USP32: variants seen among roughly 807,000 people sequenced by gnomAD.
The protein encoded by USP32 is ubiquitin carboxyl-terminal hydrolase 32.
Under a neutral mutation model 204.8 loss-of-function variants are expected in USP32, and 59 were observed. That is an observed-to-expected ratio of 0.29 (90% CI 0.23 to 0.36). The LOEUF (loss-of-function observed/expected upper bound fraction) is 0.36, where lower values mean the gene tolerates loss of function less well. Ranked by LOEUF, USP32 falls within the 10% of genes least tolerant of loss-of-function variation. The pLI is 1.00. For missense variants in USP32, 1,160 were observed against 1,946.4 expected (o/e 0.60, Z 7.60); for synonymous variants, 517 against 678.4 (o/e 0.76, Z 3.70).
At chr17:60,316,736 G>A (rs1054874562) in intron 2 of USP32, among the ~76,000 whole-genome samples, 1 of 152,114 alleles carries the variant, frequency 6.6e-6, no homozygotes, top group African/African-American at 2.4e-5. Flanking sequence ...AGCTACTCGG[G>A]TGGCTGAGGC....
chr17:60,417,494 C>T (rs1200392618), intron 1 of USP32, among the ~76,000 whole-genome samples: 1 of 150,348 alleles, frequency 6.7e-6, no homozygotes, highest in African/African-American at 2.4e-5. Flanking sequence ...GCTCTTGTCG[C>T]CCAGGCTGGA....
At chr17:60,396,485 T>C (rs889317489), upstream of USP32, among the ~76,000 whole-genome samples, 3 of 152,228 alleles carry the variant, frequency 2.0e-5, no homozygotes, top group Non-Finnish European at 4.4e-5. Flanking sequence ...AAATACGTCA[T>C]TCTCTAATCT....
intron 20 of USP32, 55 bp from the exon 21 acceptor site, chr17:60,211,173 G>A (rs1199224045): frequency 6.9e-6 from 11 of 1,590,802 alleles, no homozygotes; most frequent in Non-Finnish European, 8.6e-6. Context: ...TCACAATCAT[G>A]TGGGCGCAAA....
chr17:60,372,830 G>C (rs2089465982), intron 1 of USP32, among the ~76,000 whole-genome samples: 1 of 143,122 alleles, frequency 7.0e-6, no homozygotes, highest in African/African-American at 2.6e-5. Context: ...CTGGGTGACA[G>C]AGTGAGACCC....
At chr17:60,361,519 C>T (rs763160136) in intron 1 of USP32, among the ~76,000 whole-genome samples, 7 of 152,156 alleles carry the variant, frequency 4.6e-5, no homozygotes, top group Non-Finnish European at 1.0e-4. Flanking sequence ...ACAGAGAGTG[C>T]TTCTCCAGTG....
At chr17:60,370,477 G>C (rs2089415179) in intron 1 of USP32, among the ~76,000 whole-genome samples, 3 of 152,004 alleles carry the variant, frequency 2.0e-5, no homozygotes, top group African/African-American at 7.2e-5. Flanking sequence ...AAAATTATTT[G>C]AGGCTGGATG....
chr17:60,405,149 A>G (rs2089965666), intron 1 of USP32, among the ~76,000 whole-genome samples: 2 of 152,178 alleles, frequency 1.3e-5, no homozygotes, highest in South Asian at 2.1e-4. Flanking sequence ...TAGGCGACAG[A>G]GCAAAACTGT....
chr17:60,257,643 C>T lies in USP32; in HGVS notation c.991-2385G>A, dbSNP rs546527111. 3.3e-5 allele frequency among the ~76,000 whole-genome samples: 5 copies of T among 151,932 alleles called. No homozygotes were observed. In the East Asian group the frequency reaches 9.7e-4, roughly 29 times the overall value. Reference sequence around the variant, plus strand: ...TACAGGCACAGGTTACCAAAACTGGCTTAAAAAAAAGAGAAAAACACAGAA... The same window carrying T: ...TACAGGCACAGGTTACCAAAACTGGTTTAAAAAAAAGAGAAAAACACAGAA... On this transcript the variant is annotated intron_variant, in intron 9 of 33. Coordinates refer to ENST00000300896, the MANE Select transcript of USP32 (RefSeq NM_032582.4).
chr17:60,357,522 AAAAAAT>A (rs1051678869), intron 1 of USP32, among the ~76,000 whole-genome samples: 1 of 152,104 alleles, frequency 6.6e-6, no homozygotes, highest in African/African-American at 2.4e-5. Context: ...CCTGTCTCTT[AAAAAAT>A]AAAAATAAAA....
chr17:60,345,466 G>T lies in USP32; in HGVS notation c.186+15C>A. ...GATAACTACCTCAAAGGAAAACTTA[G>T]AACAAAAAGATTACCTCAGCAACCT... On this transcript the variant is annotated intron_variant, in intron 2 of 33. Coordinates refer to ENST00000300896, the MANE Select transcript of USP32 (RefSeq NM_032582.4). 1 of 1,612,818 alleles carries T rather than the reference G, an allele frequency of 6.2e-7. No individual in the cohort carries two copies. Among genetic ancestry groups the T allele is most frequent in the Non-Finnish European group, 8.5e-7 (1 of 1,179,556 alleles).
intron 14 of USP32, among the ~76,000 whole-genome samples, chr17:60,223,062 C>A (rs1252239213): frequency 6.6e-6 from 1 of 152,122 alleles, no homozygotes; most frequent in East Asian, 1.9e-4. Flanking sequence ...CAAAGCATAT[C>A]ATTTGGAAAA....
intron 1 of USP32, among the ~76,000 whole-genome samples, chr17:60,410,873 G>A (rs2090012620): frequency 6.6e-6 from 1 of 151,918 alleles, no homozygotes; most frequent in Admixed American, 6.6e-5. Flanking sequence ...AAGGTCAAGA[G>A]ATTGAGACCA....
intron 9 of USP32, chr17:60,256,819 G>A: frequency 9.3e-7 from 1 of 1,074,828 alleles, no homozygotes; most frequent in Non-Finnish European, 1.2e-6. Flanking sequence ...ACTTATAGGT[G>A]AATTCTGGAT....
chr17:60,386,747 T>A (rs565086382), intron 1 of USP32, among the ~76,000 whole-genome samples: 1 of 152,192 alleles, frequency 6.6e-6, no homozygotes. Flanking sequence ...AACCAGCAAG[T>A]GATGTCCCCT....
chr17:60,349,596 A>AAAAATAT (rs1555618242), intron 1 of USP32, among the ~76,000 whole-genome samples: 1 of 65,178 alleles, frequency 1.5e-5, no homozygotes, highest in Non-Finnish European at 2.5e-5. Context: ...AAAAAAAAAA[A>AAAAATAT]ATATATATAT....
chr17:60,392,731 A>C (rs1555624617), upstream of USP32: 1 of 401,130 alleles, frequency 2.5e-6, no homozygotes, highest in South Asian at 1.7e-5. Context: ...TTCCTGTGAC[A>C]AAAGAATGCT....
intron 1 of USP32, among the ~76,000 whole-genome samples, chr17:60,373,932 A>C (rs2089492443): frequency 6.6e-6 from 1 of 152,106 alleles, no homozygotes; most frequent in Non-Finnish European, 1.5e-5. Flanking sequence ...AAAAATGAAG[A>C]CATACACTTT....
At chr17:60,188,937 A>T (rs1161112669) in intron 29 of USP32, among the ~76,000 whole-genome samples, 1 of 152,244 alleles carries the variant, frequency 6.6e-6, no homozygotes, top group African/African-American at 2.4e-5. Context: ...TGCATCACTG[A>T]AAGTGGAAGT....
intron 11 of USP32, among the ~76,000 whole-genome samples, chr17:60,243,396 TTGA>T (rs1393267585): frequency 5.3e-5 from 8 of 152,324 alleles, no homozygotes; most frequent in African/African-American, 1.9e-4. Flanking sequence ...TAATACAATG[TTGA>T]TAAGTGCGGC....
Sources: gnomAD v4.1 joint callset for allele counts (sites outside exome capture counted in the v4.1 genomes callset) on GRCh38, gnomAD v4.1.1 for gene constraint, MANE v1.5 for transcripts, NCBI Gene and HGNC (gene_info 2026-07-23, HGNC 2026-07-21) for gene names.